VAX2: variants seen among roughly 807,000 people sequenced by gnomAD.
The protein encoded by VAX2 is ventral anterior homeobox 2.
A neutral mutation model predicts 12.5 loss-of-function variants in VAX2; 8 were observed. The observed-to-expected ratio is 0.64, with a 90% CI of 0.37 to 1.15. VAX2 has a LOEUF of 1.15. VAX2 is among the 50% of genes most tolerant of loss of function. VAX2 has a pLI of 0.01. For missense variants in VAX2, 476 were observed against 412.9 expected, an observed-to-expected ratio of 1.15 and a Z score of -1.32; for synonymous variants, 183 against 187.6, an observed-to-expected ratio of 0.98 and a Z score of 0.20.
At position 70,906,520 on chromosome 2, in the gene VAX2, C is replaced by CTTTTTTTTTTTTTTT. The variant is rs869309305; in HGVS notation, c.247+5664_247+5678dup. On this transcript the variant is annotated intron_variant, in intron 1 of 2. Coordinates refer to ENST00000234392, the MANE Select transcript of VAX2 (RefSeq NM_012476.3). ...CTTTCTTTTTTTTTCTTTTCTTTTC[C>CTTTTTTTTTTTTTTT]TTTTTTTTTTTTTTTTTTTTTTTTT... Among the ~76,000 whole-genome samples the CTTTTTTTTTTTTTTT allele has an allele frequency of 1.6e-3, 95 of 60,596 alleles. 12 individuals are homozygous for CTTTTTTTTTTTTTTT. The highest frequency in any genetic ancestry group is 2.8e-3 in the South Asian group (3 of 1,084). 39.8% of individuals were successfully genotyped at this position (60,596 alleles called of 152,430 possible).
chr2:70,906,571 C>G (rs1398970834), intron 1 of VAX2, among the ~76,000 whole-genome samples: 3 of 114,816 alleles, frequency 2.6e-5, no homozygotes, highest in Admixed American at 1.1e-4. Context: ...CTCTGTTGCC[C>G]AGACTAGAGT....
At chr2:70,928,854 G>A (rs151304667) in intron 2 of VAX2, among the ~76,000 whole-genome samples, 25 of 152,354 alleles carry the variant, frequency 1.6e-4, no homozygotes, top group South Asian at 4.1e-4. Context: ...TGGGCCAGGC[G>A]TGATGCCAAG....
chr2:70,906,014 C>G, intron 1 of VAX2, among the ~76,000 whole-genome samples: 1 of 152,166 alleles, frequency 6.6e-6, no homozygotes, highest in Non-Finnish European at 1.5e-5. Context: ...TGAATTTTGC[C>G]TATTTGCTCC....
chr2:70,933,275 C>G lies in VAX2; in HGVS notation c.*71C>G. ...GTCTCCTGTGCCCCAGCGGACAGCA[C>G]TGAGCAGGCCCCGGAGAGGAGGGGC... On this transcript the variant is annotated 3_prime_UTR_variant, in exon 3 of 3. Coordinates refer to ENST00000234392, the MANE Select transcript of VAX2 (RefSeq NM_012476.3). The G allele has an allele frequency of 7.2e-7, 1 of 1,393,362 alleles. No homozygotes were observed. Among genetic ancestry groups the G allele is most frequent in the East Asian group, 2.7e-5 (1 of 36,972 alleles). The allele number at this position is 1,393,362 out of a possible 1,614,324, so 86.3% of individuals were successfully genotyped here.
rs376126402 is a variant in VAX2, at chr2:70,912,441, C to T, written c.248-8657C>T. Among the ~76,000 whole-genome samples the T allele has an allele frequency of 3.5e-4, 53 of 152,220 alleles. No homozygotes were observed. The East Asian group carries it at 5.2e-3, about 15-fold the overall frequency. ...CTTTGGGAGGCCAGAGGGGGCAGAT[C>T]ACTTGAGGTCAGGAGCTTGAAACCA... On this transcript the variant is annotated intron_variant, in intron 1 of 2. Coordinates refer to ENST00000234392, the MANE Select transcript of VAX2 (RefSeq NM_012476.3).
intron 1 of VAX2, among the ~76,000 whole-genome samples, chr2:70,920,458 T>C (rs1679426881): frequency 6.6e-6 from 1 of 151,488 alleles, no homozygotes; most frequent in South Asian, 2.1e-4. Flanking sequence ...ACATGGGGAG[T>C]GGCAGCAGCC....
At chr2:70,908,349 C>T (rs1228277922) in intron 1 of VAX2, among the ~76,000 whole-genome samples, 1 of 152,308 alleles carries the variant, frequency 6.6e-6, no homozygotes, top group East Asian at 1.9e-4. Flanking sequence ...CATCCCTGTC[C>T]CCATCACCCA....
At chr2:70,909,338 A>AT (rs1679133394) in intron 1 of VAX2, among the ~76,000 whole-genome samples, 1 of 151,728 alleles carries the variant, frequency 6.6e-6, no homozygotes, top group Non-Finnish European at 1.5e-5. Context: ...CCTAGCTTTA[A>AT]TTTTTTATTT....
intron 1 of VAX2, among the ~76,000 whole-genome samples, chr2:70,906,617 C>G (rs1679067980): frequency 7.7e-6 from 1 of 130,456 alleles, no homozygotes; most frequent in Non-Finnish European, 1.5e-5. Context: ...TAACCTTGAA[C>G]CTCTGGGCTC....
chr2:70,901,804 C>T (rs1451516835), intron 1 of VAX2, among the ~76,000 whole-genome samples: 1 of 152,218 alleles, frequency 6.6e-6, no homozygotes, highest in Non-Finnish European at 1.5e-5. Flanking sequence ...GACCCCAGGC[C>T]GCGGCCAGAG....
At chr2:70,922,696 G>A (rs1235184595) in intron 2 of VAX2, among the ~76,000 whole-genome samples, 1 of 152,192 alleles carries the variant, frequency 6.6e-6, no homozygotes, top group African/African-American at 2.4e-5. Flanking sequence ...AAGGACAGCA[G>A]CTGCTGTCCT....
At chr2:70,916,246 A>G (rs1320832711) in intron 1 of VAX2, among the ~76,000 whole-genome samples, 2 of 152,376 alleles carry the variant, frequency 1.3e-5, no homozygotes, top group Non-Finnish European at 1.5e-5. Flanking sequence ...AATAGTACAG[A>G]GAAGTCCCAT....
At chr2:70,932,009 C>G (rs1424861822) in intron 2 of VAX2, among the ~76,000 whole-genome samples, 1 of 152,316 alleles carries the variant, frequency 6.6e-6, no homozygotes, top group East Asian at 1.9e-4. Context: ...CCCAGGTTCC[C>G]CCGTTCTGAG....
At chr2:70,927,425 C>T (rs1224353223) in intron 2 of VAX2, among the ~76,000 whole-genome samples, 1 of 151,534 alleles carries the variant, frequency 6.6e-6, no homozygotes, top group Non-Finnish European at 1.5e-5. Context: ...TCCTCAGCCT[C>T]ATGCTTGATG....
chr2:70,901,631 A>T (rs1678930683), intron 1 of VAX2, among the ~76,000 whole-genome samples: 1 of 152,066 alleles, frequency 6.6e-6, no homozygotes, highest in Admixed American at 6.5e-5. Flanking sequence ...CTGGACTGCG[A>T]CCGATTACCC....
intron 2 of VAX2, among the ~76,000 whole-genome samples, chr2:70,922,747 G>C (rs1553413025): frequency 6.6e-6 from 1 of 151,940 alleles, no homozygotes; most frequent in Non-Finnish European, 1.5e-5. Flanking sequence ...TTTTTCCCCA[G>C]CTGCCACTGC....
chr2:70,908,393 C>T (rs1370903256), intron 1 of VAX2, among the ~76,000 whole-genome samples: 6 of 152,140 alleles, frequency 3.9e-5, no homozygotes, highest in African/African-American at 1.4e-4. Context: ...TCTAATATGT[C>T]CTTCCAGATA....
chr2:70,900,589 T>C lies in VAX2; in HGVS notation c.-33T>C, dbSNP rs966651279. The C allele has an allele frequency of 1.6e-6, 2 of 1,238,486 alleles. No individual in the cohort carries two copies. Among genetic ancestry groups the C allele is most frequent in the East Asian group, 3.2e-5 (1 of 31,498 alleles). The allele number at this position is 1,238,486 out of a possible 1,614,324, so 76.7% of individuals were successfully genotyped here. ...GCGCTCCCGGCCAGCGTAGGCTGGC[T>C]CCGCCGTAGAGGGGTTGGCAGTGGC... is the stretch of plus-strand genomic sequence containing the variant. On this transcript the variant is annotated 5_prime_UTR_variant, in exon 1 of 3. Transcript: ENST00000234392.
intron 1 of VAX2, among the ~76,000 whole-genome samples, chr2:70,902,848 G>T (rs1678964036): frequency 1.3e-5 from 2 of 152,192 alleles, no homozygotes; most frequent in Admixed American, 1.3e-4. Context: ...TCTTCAGGGG[G>T]TGTACTTTTA....
Sources: gnomAD v4.1 joint callset for allele counts (sites outside exome capture counted in the v4.1 genomes callset) on GRCh38, gnomAD v4.1.1 for gene constraint, MANE v1.5 for transcripts, NCBI Gene and HGNC (gene_info 2026-07-23, HGNC 2026-07-21) for gene names.